The following RPL39L variants were observed in gnomAD, a reference collection of about 807,000 sequenced individuals.
The protein encoded by RPL39L is ribosomal protein eL39-like 2.
For synonymous variants in RPL39L, 16 were observed against 20.1 expected, an observed-to-expected ratio of 0.80 and a Z score of 0.55; for missense variants, 48 against 58.9, an observed-to-expected ratio of 0.81 and a Z score of 0.61.
chr3:187,135,403 G>A (rs543508863), intron 1 of RPL39L, among the ~76,000 whole-genome samples: 3 of 152,312 alleles, frequency 2.0e-5, no homozygotes, highest in Admixed American at 6.5e-5. Flanking sequence ...TGCTGTTCTT[G>A]TGATAGTGAA....
At chr3:187,121,702 T>C (rs1019575972) in intron 2 of RPL39L, among the ~76,000 whole-genome samples, 7 of 152,102 alleles carry the variant, frequency 4.6e-5, no homozygotes, top group African/African-American at 9.7e-5. Flanking sequence ...ATTAAAGCAA[T>C]AGAACACTAA....
intron 2 of RPL39L, among the ~76,000 whole-genome samples, chr3:187,127,733 A>G (rs981487025): frequency 6.6e-6 from 1 of 152,158 alleles, no homozygotes; most frequent in Non-Finnish European, 1.5e-5. Flanking sequence ...CCAAGACATA[A>G]CTCCTTTCAC....
intron 1 of RPL39L, among the ~76,000 whole-genome samples, chr3:187,131,539 T>TAAAAC (rs1330832780): frequency 2.0e-5 from 3 of 152,114 alleles, no homozygotes; most frequent in Non-Finnish European, 2.9e-5. Flanking sequence ...CCTTCTCATT[T>TAAAAC]AAAACAAAAC....
chr3:187,128,804 T>C (rs1028158447), intron 1 of RPL39L, among the ~76,000 whole-genome samples: 3 of 152,246 alleles, frequency 2.0e-5, no homozygotes, highest in African/African-American at 7.2e-5. Flanking sequence ...TGCTTCCCTG[T>C]GGCAAGCTAT....
intron 2 of RPL39L, among the ~76,000 whole-genome samples, chr3:187,126,608 G>A (rs907301539): frequency 6.6e-6 from 1 of 152,072 alleles, no homozygotes. Context: ...AAAAAACTGG[G>A]TAAAATATAT....
intron 2 of RPL39L, among the ~76,000 whole-genome samples, chr3:187,126,301 A>G (rs1720396683): frequency 6.6e-6 from 1 of 151,656 alleles, no homozygotes; most frequent in African/African-American, 2.4e-5. Flanking sequence ...ATCTGGGATT[A>G]CAGGCGCCTG....
In RPL39L at chr3:187,139,453, T is replaced by C. The variant is rs1028894274; in HGVS notation, c.-333A>G. Reference sequence around the variant, plus strand: ...TGGCGTTCGGAGGCGGTTGCCTCGCTGGGCGCAGCAATTCAACCGCCGCGC... The same window carrying C: ...TGGCGTTCGGAGGCGGTTGCCTCGCCGGGCGCAGCAATTCAACCGCCGCGC... On this transcript the variant is annotated 5_prime_UTR_variant, in exon 1 of 3. Transcript: ENST00000296277. The C allele has an allele frequency of 5.1e-4, 78 of 152,302 alleles. No homozygotes were observed. Among genetic ancestry groups the C allele is most frequent in the African/African-American group, 1.9e-3 (77 of 41,586 alleles). The allele number at this position is 152,302 out of a possible 1,614,324, so 9.4% of individuals were successfully genotyped here.
chr3:187,130,132 G>A (rs1720462022), intron 1 of RPL39L, among the ~76,000 whole-genome samples: 1 of 152,134 alleles, frequency 6.6e-6, no homozygotes, highest in South Asian at 2.1e-4. Flanking sequence ...TGACTGTCCT[G>A]TCTTTCCTAT....
At position 187,131,554 on chromosome 3, in the gene RPL39L, C is replaced by CAA. The variant is rs567579309; in HGVS notation, c.-92-3494_-92-3493dup. On this transcript the variant is annotated intron_variant, in intron 1 of 2. Transcript: ENST00000296277. Reference sequence around the variant, plus strand: ...CCTTCTCATTTAAAACAAAACAAAACAACAACAACAACAAAAGAACTGTGG... The same window carrying CAA: ...CCTTCTCATTTAAAACAAAACAAAACAAAACAACAACAACAAAAGAACTGTGG... 1.8e-3 allele frequency among the ~76,000 whole-genome samples: 267 copies of CAA among 152,194 alleles called. 2 individuals are homozygous for CAA. The highest frequency in any genetic ancestry group is 9.0e-4 in the Non-Finnish European group (61 of 68,012).
chr3:187,121,509 C>G (rs1400099760), intron 2 of RPL39L, among the ~76,000 whole-genome samples, 181 bp from the exon 3 acceptor site: 1 of 152,224 alleles, frequency 6.6e-6, no homozygotes, highest in Non-Finnish European at 1.5e-5. Flanking sequence ...TCTGAGGAGT[C>G]TGATGGCTGT....
intron 2 of RPL39L, among the ~76,000 whole-genome samples, chr3:187,123,800 A>G (rs1720352744): frequency 6.6e-6 from 1 of 152,220 alleles, no homozygotes; most frequent in Admixed American, 6.5e-5. Flanking sequence ...TATTCCAAGT[A>G]TTCATTTCCA....
intron 2 of RPL39L, among the ~76,000 whole-genome samples, chr3:187,126,347 A>G (rs1379019391): frequency 6.6e-6 from 1 of 151,872 alleles, no homozygotes; most frequent in Non-Finnish European, 1.5e-5. Flanking sequence ...TATTTTTTGT[A>G]GAGATGGGGT....
rs972268933 is a variant in RPL39L at position 187,139,304 on chromosome 3, C to T, written c.-184G>A. ...GCGGGCGGAAAAGGCGGGCCCAGCT[C>T]CCTCAGGTCTGCGTGTCACCGACCC... On this transcript the variant is annotated 5_prime_UTR_variant, in exon 1 of 3. Coordinates refer to ENST00000296277, the MANE Select transcript of RPL39L (RefSeq NM_052969.3). The T allele has an allele frequency of 6.6e-6, 1 of 152,388 alleles. No individual in the cohort carries two copies. The highest frequency in any genetic ancestry group is 1.5e-5 in the Non-Finnish European group (1 of 68,204). 9.4% of individuals were successfully genotyped at this position (152,388 alleles called of 1,614,324 possible). A position where few individuals can be genotyped will look rare whatever the true frequency, so the allele number is the denominator to read the frequency against.
intron 1 of RPL39L, among the ~76,000 whole-genome samples, chr3:187,133,917 T>C (rs1269861639): frequency 6.6e-6 from 1 of 152,098 alleles, no homozygotes; most frequent in African/African-American, 2.4e-5. Flanking sequence ...AGAAAAAGCA[T>C]GCTTATTTTG....
chr3:187,134,726 T>C (rs939829516), intron 1 of RPL39L, among the ~76,000 whole-genome samples: 1 of 152,200 alleles, frequency 6.6e-6, no homozygotes, highest in Admixed American at 6.5e-5. Context: ...AAATGTTGAA[T>C]TGTGTAGTTA....
chr3:187,127,272 T>A (rs1237814982), intron 2 of RPL39L, among the ~76,000 whole-genome samples: 1 of 150,734 alleles, frequency 6.6e-6, no homozygotes, highest in Non-Finnish European at 1.5e-5. Context: ...TACATTTTTA[T>A]CATATAAATA....
At chr3:187,123,562 T>C (rs1360590877) in intron 2 of RPL39L, among the ~76,000 whole-genome samples, 1 of 152,200 alleles carries the variant, frequency 6.6e-6, no homozygotes, top group Non-Finnish European at 1.5e-5. Context: ...CTATACAATC[T>C]ATCAGTGACT....
intron 1 of RPL39L, 59 bp downstream of exon 1, chr3:187,139,154 C>G (rs1364624032): frequency 6.5e-6 from 1 of 152,674 alleles, no homozygotes; most frequent in African/African-American, 2.4e-5. Flanking sequence ...ACCCTCACGC[C>G]GCCCTGCTCG....
intron 2 of RPL39L, among the ~76,000 whole-genome samples, chr3:187,126,020 A>G (rs1022974991): frequency 2.0e-5 from 3 of 152,188 alleles, no homozygotes; most frequent in Non-Finnish European, 4.4e-5. Context: ...AAGGTCATAA[A>G]ATATTTTTAA....
Sources: allele counts gnomAD v4.1 joint callset (sites outside exome capture counted in the v4.1 genomes callset), GRCh38; gene constraint gnomAD v4.1.1; transcripts MANE v1.5; gene names NCBI Gene and HGNC (gene_info 2026-07-23, HGNC 2026-07-21).